PGAP1: variants seen among roughly 807,000 people sequenced by gnomAD.
PGAP1 encodes post-GPI attachment to proteins inositol deacylase 1.
A neutral mutation model predicts 127.0 loss-of-function variants in PGAP1; 76 were observed. The ratio of observed to expected loss-of-function variants is 0.60; its 90% CI spans 0.50 to 0.72. The LOEUF is 0.72. Among genes scored for constraint, PGAP1 ranks in the 30% least tolerant of loss-of-function variants. The probability of loss-of-function intolerance (pLI) is 0.00; values close to 1 mark genes in which losing one functional copy is unlikely to be tolerated. For synonymous variants in PGAP1, 362 were observed against 366.5 expected, an observed-to-expected ratio of 0.99 and a Z score of 0.14; for missense variants, 982 against 1,071.3, an observed-to-expected ratio of 0.92 and a Z score of 1.16.
At chr2:196,892,552 T>C in intron 8 of PGAP1, 151 bp from the exon 9 acceptor site, 1 of 473,112 alleles carries the variant, frequency 2.1e-6, no homozygotes, top group Non-Finnish European at 3.7e-6. Context: ...AATCTAGTAA[T>C]ATATTTTCTA....
At chr2:196,918,017 TA>T (rs1703072729) in intron 2 of PGAP1, among the ~76,000 whole-genome samples, 1 of 152,126 alleles carries the variant, frequency 6.6e-6, no homozygotes, top group Admixed American at 6.5e-5. Context: ...TCTTTCTTAT[TA>T]TAACTATCCT....
chr2:196,925,368 A>C (rs1433072946), intron 1 of PGAP1, among the ~76,000 whole-genome samples: 1 of 152,226 alleles, frequency 6.6e-6, no homozygotes, highest in Non-Finnish European at 1.5e-5. Flanking sequence ...CTAAAAAAAA[A>C]ACTGCTGTGA....
At chr2:196,922,936 C>T (rs1024439856) in intron 1 of PGAP1, among the ~76,000 whole-genome samples, 1 of 151,866 alleles carries the variant, frequency 6.6e-6, no homozygotes, top group Non-Finnish European at 1.5e-5. Flanking sequence ...GTGATCTGCC[C>T]GCCTTGGCCT....
chr2:196,889,616 G>A (rs528782471), intron 10 of PGAP1, among the ~76,000 whole-genome samples: 63 of 151,840 alleles, frequency 4.1e-4, no homozygotes, highest in Non-Finnish European at 7.8e-4. Flanking sequence ...CAGCACTTTG[G>A]GAGGCCGAGG....
chr2:196,905,741 C>T (rs9967773), intron 4 of PGAP1, among the ~76,000 whole-genome samples: 2 of 147,094 alleles, frequency 1.4e-5, no homozygotes, highest in Admixed American at 6.8e-5. Context: ...CCAGTGTGTG[C>T]GCGCACCGTG....
chr2:196,869,546 G>A (rs952949759), intron 19 of PGAP1, among the ~76,000 whole-genome samples: 6 of 152,170 alleles, frequency 3.9e-5, no homozygotes, highest in African/African-American at 1.4e-4. Context: ...GTGTTAGCCA[G>A]GATGGTCTTG....
rs543562146 is a variant in PGAP1 at position 196,870,505 on chromosome 2, A to G, written c.1767+436T>C. On this transcript the variant is annotated intron_variant, in intron 19 of 26. Coordinates refer to ENST00000354764, the MANE Select transcript of PGAP1 (RefSeq NM_024989.4). ...AGAGGTGGGGTTTCACCAGTTGGCC[A>G]GGCTGGTCTCGAACTCCTGACCTTA... 1.6e-4 allele frequency among the ~76,000 whole-genome samples: 24 copies of G among 152,238 alleles called. No individual in the cohort carries two copies. In the East Asian group the frequency reaches 2.9e-3, roughly 18 times the overall value.
rs1223338880 is a variant in PGAP1 at position 196,920,015 on chromosome 2, C to T, written c.283G>A (p.Ala95Thr). The change falls in exon 2 of 27, where the codon GCT (alanine) becomes ACT (threonine). Residue 95 changes from alanine (A) to threonine (T), a missense_variant. Ala to Thr is a moderately conservative substitution (Grantham distance 58). Coordinates refer to ENST00000354764, the MANE Select transcript of PGAP1 (RefSeq NM_024989.4). ...GIPVLFLPGN[A>T]GSYKQVRSIG... The stretch of plus-strand genomic sequence containing the variant: ...GACTTACCTTGCTTATAACTTCCAG[C>T]ATTACCAGGAAGAAAGAGAACTGGA... 6.2e-7 allele frequency: 1 copy of T among 1,610,030 alleles called. No individual in the cohort carries two copies.
intron 20 of PGAP1, among the ~76,000 whole-genome samples, chr2:196,863,633 AG>A (rs1185473638): frequency 2.0e-5 from 3 of 152,164 alleles, no homozygotes; most frequent in Non-Finnish European, 4.4e-5. Flanking sequence ...AGAAGAAATA[AG>A]GTCTAGCATT....
chr2:196,858,329 G>C lies in PGAP1; in HGVS notation c.1861+6658C>G, dbSNP rs1030229938. ...AGGCAGGAGAATGGCGTAAACCAGG[G>C]AGACAGAGCTTGCAGTTAGCTGAGA... On this transcript the variant is annotated intron_variant, in intron 20 of 26. Transcript: ENST00000354764. Among the ~76,000 whole-genome samples, 5 of 151,792 alleles carry C rather than the reference G, an allele frequency of 3.3e-5. No individual in the cohort carries two copies. The East Asian group carries it at 9.6e-4, about 29-fold the overall frequency.
intron 17 of PGAP1, 46 bp from the exon 18 acceptor site, chr2:196,872,595 T>A: frequency 7.5e-7 from 1 of 1,327,478 alleles, no homozygotes; most frequent in Non-Finnish European, 1.1e-6. Context: ...AAAATGCTGG[T>A]AAAGAGCCAT....
rs1457441482 is a variant in PGAP1, at chr2:196,835,255, G to A, written c.*5979C>T. The A allele has an allele frequency of 1.3e-5, 2 of 151,802 alleles. No homozygotes were observed. Among genetic ancestry groups the A allele is most frequent in the Non-Finnish European group, 2.9e-5 (2 of 67,838 alleles). The allele number at this position is 151,802 out of a possible 1,614,324, so 9.4% of individuals were successfully genotyped here. ...ATATTAAAAGGTTGTACTATGTTAG[G>A]TTCCAGTGGACAAGTTCCCCTGTGA... On this transcript the variant is annotated 3_prime_UTR_variant, in exon 27 of 27. Coordinates refer to ENST00000354764, the MANE Select transcript of PGAP1 (RefSeq NM_024989.4).
intron 20 of PGAP1, among the ~76,000 whole-genome samples, chr2:196,863,364 T>C (rs1464364563): frequency 6.6e-6 from 1 of 152,200 alleles, no homozygotes; most frequent in Non-Finnish European, 1.5e-5. Flanking sequence ...AATGGTAATA[T>C]ATACATAATG....
At chr2:196,886,665 T>C (rs944646833) in intron 10 of PGAP1, among the ~76,000 whole-genome samples, 1 of 152,152 alleles carries the variant, frequency 6.6e-6, no homozygotes, top group Non-Finnish European at 1.5e-5. Flanking sequence ...TGTGTTTTAC[T>C]TTATCGTTTG....
intron 4 of PGAP1, among the ~76,000 whole-genome samples, chr2:196,903,666 A>G (rs1702579142): frequency 6.6e-6 from 1 of 152,178 alleles, no homozygotes; most frequent in Non-Finnish European, 1.5e-5. Flanking sequence ...CTATCTGGAC[A>G]ATACCATTGA....
At chr2:196,868,980 ATTT>A (rs1191407260) in intron 19 of PGAP1, among the ~76,000 whole-genome samples, 2 of 152,158 alleles carry the variant, frequency 1.3e-5, no homozygotes, top group East Asian at 1.9e-4. Context: ...AATACAAATT[ATTT>A]TTTTAATTTT....
intron 13 of PGAP1, among the ~76,000 whole-genome samples, chr2:196,877,107 T>C (rs1701592655): frequency 6.6e-6 from 1 of 152,092 alleles, no homozygotes; most frequent in Non-Finnish European, 1.5e-5. Context: ...AAAATTTGGC[T>C]ATGCCTTTAG....
At chr2:196,894,756 C>T (rs554798925) in intron 7 of PGAP1, among the ~76,000 whole-genome samples, 6 of 152,146 alleles carry the variant, frequency 3.9e-5, no homozygotes, top group South Asian at 2.1e-4. Flanking sequence ...GAGCCGAGAT[C>T]GCGCCACTGC....
chr2:196,894,924 C>G (rs1455573216), intron 7 of PGAP1, among the ~76,000 whole-genome samples: 1 of 152,200 alleles, frequency 6.6e-6, no homozygotes. Flanking sequence ...CTAATAACCA[C>G]TAGAAATTAC....
Sources: allele counts gnomAD v4.1 joint callset (sites outside exome capture counted in the v4.1 genomes callset), GRCh38; gene constraint gnomAD v4.1.1; transcripts MANE v1.5; gene names NCBI Gene and HGNC (gene_info 2026-07-23, HGNC 2026-07-21).